The following CD163L1 variants were observed in gnomAD, a reference collection of about 807,000 sequenced individuals.
CD163L1 encodes CD163 molecule like 1, also known as scavenger receptor cysteine-rich type 1 protein M160.
Under a neutral mutation model 165.4 loss-of-function variants are expected in CD163L1, and 124 were observed. The ratio of observed to expected loss-of-function variants is 0.75; its 90% CI spans 0.65 to 0.87. The LOEUF is 0.87. Ranked by LOEUF, CD163L1 falls within the 40% of genes least tolerant of loss-of-function variation. CD163L1 has a pLI of 0.00. For missense variants in CD163L1, 1,525 were observed against 1,799.9 expected (o/e 0.85, Z 2.76); for synonymous variants, 585 against 662.2 (o/e 0.88, Z 1.79).
At chr12:7,386,380 A>T (rs1345748063) in intron 8 of CD163L1, among the ~76,000 whole-genome samples, 2 of 152,056 alleles carry the variant, frequency 1.3e-5, no homozygotes, top group Non-Finnish European at 2.9e-5. Flanking sequence ...GCTGACTTCT[A>T]TCAAACTAAT....
chr12:7,439,773 A>AC (rs1948789133), intron 2 of CD163L1: 19 of 1,612,928 alleles, frequency 1.2e-5, no homozygotes, highest in Non-Finnish European at 1.4e-5. Context: ...AAAGAATTTC[A>AC]CCCCCCTCGA....
chr12:7,368,740 A>C lies in CD163L1; in HGVS notation c.4072+193T>G. On this transcript the variant is annotated intron_variant, in intron 16 of 19. Transcript: ENST00000313599. The surrounding 1 kb of genome is among the most constrained non-coding windows in gnomAD (Gnocchi z 4.3). Reference sequence around the variant, plus strand: ...GAGTCTTATCCTTCTCTGCATGTAAAAAGGATTTTTCTAGAGAGAAGGACT... The same window carrying C: ...GAGTCTTATCCTTCTCTGCATGTAACAAGGATTTTTCTAGAGAGAAGGACT... 1.7e-6 allele frequency: 1 copy of C among 604,420 alleles called. No homozygotes were observed. The highest frequency in any genetic ancestry group is 3.0e-6 in the Non-Finnish European group (1 of 336,160). 37.4% of individuals were successfully genotyped at this position (604,420 alleles called of 1,614,324 possible).
In CD163L1 at chr12:7,347,502, G is replaced by A. The variant is rs979172481; in HGVS notation, c.*25-355C>T. On this transcript the variant is annotated intron_variant, in intron 4 of 4. Coordinates refer to the CD163L1 transcript ENST00000539726. This position sits in a 1 kb window ranked among gnomAD's most constrained non-coding sequence, Gnocchi z 4.2. ...AAGGTAAAAAGGAATGGTCTCGGCC[G>A]GGCGCGGTGGCTCACGCTTGTAATC... Among the ~76,000 whole-genome samples the A allele has an allele frequency of 4.6e-5, 7 of 152,092 alleles. No individual in the cohort carries two copies. The highest frequency in any genetic ancestry group is 7.2e-5 in the African/African-American group (3 of 41,416).
chr12:7,353,362 T>A (rs1015933890), downstream of CD163L1, among the ~76,000 whole-genome samples: 29 of 151,938 alleles, frequency 1.9e-4, no homozygotes, highest in Non-Finnish European at 7.4e-5. Flanking sequence ...GAAAAATATT[T>A]GAAAAAAATA....
downstream of CD163L1, among the ~76,000 whole-genome samples, chr12:7,354,722 C>T (rs768829385): frequency 2.6e-5 from 4 of 152,182 alleles, no homozygotes; most frequent in African/African-American, 9.6e-5. Context: ...GATGAGGGCT[C>T]CCTGCCAAGT....
chr12:7,407,693 A>G (rs776373331), intron 4 of CD163L1, among the ~76,000 whole-genome samples: 1 of 151,792 alleles, frequency 6.6e-6, no homozygotes, highest in African/African-American at 2.4e-5. Flanking sequence ...ATATATAGTG[A>G]TCAATTTTGC....
intron 1 of CD163L1, among the ~76,000 whole-genome samples, chr12:7,443,152 A>G (rs779051054): frequency 1.2e-4 from 19 of 152,238 alleles, no homozygotes; most frequent in Non-Finnish European, 1.8e-4. Flanking sequence ...CAAACTGTAG[A>G]AACCCTTTTT....
chr12:7,373,659 C>T lies in CD163L1; in HGVS notation c.3410-19G>A. 6.5e-7 allele frequency: 1 copy of T among 1,542,064 alleles called. No homozygotes were observed. Among genetic ancestry groups the T allele is most frequent in the African/African-American group, 1.4e-5 (1 of 72,440 alleles). ...GTGAATTCTACAGAGAAATACAAAA[C>T]TTAGTATTAAATATTTCCTTTGGAG... is the stretch of plus-strand genomic sequence containing the variant. On this transcript the variant is annotated intron_variant, in intron 13 of 19. Coordinates refer to ENST00000313599, the MANE Select transcript of CD163L1 (RefSeq NM_174941.6).
downstream of CD163L1, among the ~76,000 whole-genome samples, chr12:7,350,783 C>T (rs140622321): frequency 1.3e-5 from 2 of 152,030 alleles, no homozygotes; most frequent in East Asian, 3.9e-4. Context: ...TTAAAGGTAC[C>T]AAAAATTGCC....
At chr12:7,433,747 AATAAT>A in intron 2 of CD163L1, 53 bp from the exon 3 acceptor site, 2 of 1,354,706 alleles carry the variant, frequency 1.5e-6, no homozygotes, top group Non-Finnish European at 2.0e-6. Flanking sequence ...AGAAGGCAGA[AATAAT>A]ATAAGTAGGT....
chr12:7,327,296 T>C, the CD163L1 span, among the ~76,000 whole-genome samples: 872 of 152,328 alleles, frequency 5.7e-3, 9 homozygotes, highest in African/African-American at 0.02. Context: ...GAACCTTTAA[T>C]CAACTCTGCA....
the CD163L1 span, chr12:7,328,846 T>G: frequency 6.5e-6 from 1 of 153,244 alleles, no homozygotes; most frequent in African/African-American, 2.4e-5. Context: ...TACTGTATTA[T>G]TGTGCCTCAT....
chr12:7,357,518 T>C (rs774751493), intron 18 of CD163L1, 32 bp from the exon 19 acceptor site: 1 of 1,593,536 alleles, frequency 6.3e-7, no homozygotes, highest in South Asian at 1.1e-5. Flanking sequence ...TATTATTGAA[T>C]AGTAGAAAAC....
intron 4 of CD163L1, among the ~76,000 whole-genome samples, chr12:7,431,468 A>T (rs779976509): frequency 4.6e-5 from 7 of 152,254 alleles, no homozygotes; most frequent in Non-Finnish European, 1.0e-4. Flanking sequence ...AAATATTTAA[A>T]TAGTATAATC....
chr12:7,373,661 T>G, intron 13 of CD163L1, 21 bp from the exon 14 acceptor site: 4 of 1,532,388 alleles, frequency 2.6e-6, no homozygotes, highest in Non-Finnish European at 3.5e-6. Flanking sequence ...ATACAAAACT[T>G]AGTATTAAAT....
intron 18 of CD163L1, among the ~76,000 whole-genome samples, chr12:7,362,883 G>A (rs1456458748): frequency 6.6e-6 from 1 of 151,178 alleles, no homozygotes; most frequent in Non-Finnish European, 1.5e-5. Flanking sequence ...CAATCAACAA[G>A]TGGATAAAGA....
At chr12:7,376,038 T>C (rs1193164181) in intron 9 of CD163L1, 24 bp from the exon 10 acceptor site, 1 of 1,595,034 alleles carries the variant, frequency 6.3e-7, no homozygotes, top group Admixed American at 1.7e-5. Context: ...TTTCAAAGGT[T>C]AGTTTTTAGG....
chr12:7,421,539 GTACACATATACATA>G (rs1948418013), intron 4 of CD163L1, among the ~76,000 whole-genome samples: 3 of 91,110 alleles, frequency 3.3e-5, no homozygotes, highest in African/African-American at 1.9e-4. Flanking sequence ...ATACATATAC[GTACACATATACATA>G]TACATATATG....
the CD163L1 span, among the ~76,000 whole-genome samples, chr12:7,337,032 C>T: frequency 6.6e-6 from 1 of 152,182 alleles, no homozygotes; most frequent in East Asian, 1.9e-4. Context: ...CGAGAACCAT[C>T]TGATCTTCCA....
Sources: gnomAD v4.1 joint callset for allele counts (sites outside exome capture counted in the v4.1 genomes callset) on GRCh38, gnomAD v4.1.1 for gene constraint, Gnocchi (gnomAD v3.1) non-coding constraint, MANE v1.5 for transcripts, NCBI Gene and HGNC (gene_info 2026-07-23, HGNC 2026-07-21) for gene names.